The following SRGAP3 variants were observed in gnomAD, a reference collection of about 807,000 sequenced individuals.
SRGAP3 encodes the protein SLIT-ROBO Rho GTPase activating protein 3.
SRGAP3 carries 39 observed loss-of-function variants against 121.1 expected under a neutral mutation model. The ratio of observed to expected loss-of-function variants is 0.32; its 90% CI spans 0.25 to 0.42. The LOEUF is 0.42. SRGAP3 is among the 10% of genes least tolerant of loss of function. SRGAP3 has a pLI of 1.00. For missense variants in SRGAP3, 1,213 were observed against 1,470.6 expected (o/e 0.82, Z 2.86); for synonymous variants, 601 against 570.0 (o/e 1.05, Z -0.77).
chr3:9,331,648 C>T (rs1329379802), intron 1 of SRGAP3, among the ~76,000 whole-genome samples: 1 of 152,194 alleles, frequency 6.6e-6, no homozygotes, highest in Non-Finnish European at 1.5e-5. Context: ...TCTGAGTTGG[C>T]CTTGAGACTT....
intron 1 of SRGAP3, among the ~76,000 whole-genome samples, chr3:9,330,829 G>A (rs1338098801): frequency 1.3e-5 from 2 of 152,154 alleles, no homozygotes; most frequent in African/African-American, 4.8e-5. Flanking sequence ...TATTTGAATG[G>A]AGTTTGAAGA....
intron 17 of SRGAP3, 100 bp downstream of exon 17, chr3:9,013,208 G>T: frequency 1.7e-6 from 2 of 1,175,146 alleles, no homozygotes; most frequent in Admixed American, 2.0e-5. Context: ...TGGAAGCACC[G>T]ACTATCAAGC....
intron 1 of SRGAP3, among the ~76,000 whole-genome samples, chr3:9,130,345 G>T (rs1380662986): frequency 1.3e-5 from 2 of 152,104 alleles, no homozygotes; most frequent in African/African-American, 4.8e-5. Flanking sequence ...AACTACACAG[G>T]TCCCCTCTTA....
In SRGAP3 at chr3:9,118,879, T is replaced by C. The variant is rs796628463; in HGVS notation, c.260+5846A>G. On this transcript the variant is annotated intron_variant, in intron 2 of 21. Coordinates refer to ENST00000383836, the MANE Select transcript of SRGAP3 (RefSeq NM_014850.4). ...GACAGGCACATGAGCGAGTGACACT[T>C]CACCCAGATGGCCTCACTGAGCTAA... Among the ~76,000 whole-genome samples, 8 of 152,318 alleles carry C rather than the reference T, an allele frequency of 5.3e-5. No homozygotes were observed. The South Asian group carries it at 6.2e-4, about 12-fold the overall frequency.
At chr3:9,059,933 C>A (rs1341589591) in intron 6 of SRGAP3, 4 of 414,366 alleles carry the variant, frequency 9.7e-6, no homozygotes, top group Non-Finnish European at 1.4e-5. Context: ...TCAAACCCAG[C>A]AAAGGACCTG....
At chr3:8,991,376 G>C (rs1037988888) in intron 20 of SRGAP3, among the ~76,000 whole-genome samples, 2 of 152,276 alleles carry the variant, frequency 1.3e-5, no homozygotes, top group East Asian at 3.9e-4. Flanking sequence ...CTCCTTCTGC[G>C]AGGCTTTTTT....
Position 9,142,828 on chromosome 3 carries a change from CCT to C in SRGAP3, c.68-17913_68-17912del, listed in dbSNP as rs1491350227. 1.1e-4 allele frequency among the ~76,000 whole-genome samples: 7 copies of C among 63,440 alleles called. No homozygotes were observed. The East Asian group carries it at 3.2e-3, about 29-fold the overall frequency. The allele number at this position is 63,440 out of a possible 152,430, so 41.6% of individuals were successfully genotyped here. A position where few individuals can be genotyped will look rare whatever the true frequency, so the allele number is the denominator to read the frequency against. On this transcript the variant is annotated intron_variant, in intron 1 of 21. Transcript: ENST00000383836. Reference sequence around the variant, plus strand: ...TGTCAACCAAGTTGGTGGGCAATTTCCTTTTTTTTTTTTTTTTTTTTTTTGAT... The same window carrying C: ...TGTCAACCAAGTTGGTGGGCAATTTCTTTTTTTTTTTTTTTTTTTTTTGAT...
intron 1 of SRGAP3, among the ~76,000 whole-genome samples, chr3:9,176,382 C>A (rs997076771): frequency 6.6e-6 from 1 of 152,186 alleles, no homozygotes; most frequent in Non-Finnish European, 1.5e-5. Flanking sequence ...ATGGCAGTTA[C>A]ACTAATGATC....
chr3:9,099,777 A>G (rs1948140526), intron 3 of SRGAP3, among the ~76,000 whole-genome samples: 1 of 152,236 alleles, frequency 6.6e-6, no homozygotes, highest in African/African-American at 2.4e-5. Flanking sequence ...GCTGGGGCCC[A>G]GCAGTCTGCA....
rs1438797810 is a variant in SRGAP3, at chr3:9,205,463, G to A, written c.67+43422C>T. On this transcript the variant is annotated intron_variant, in intron 1 of 21. Transcript: ENST00000383836. Reference sequence around the variant, plus strand: ...CCATGTTGGATGGTACAACTATCACGTTTACAGAATATATCTAATTGGTCT... The same window carrying A: ...CCATGTTGGATGGTACAACTATCACATTTACAGAATATATCTAATTGGTCT... Among the ~76,000 whole-genome samples, 40 of 152,298 alleles carry A rather than the reference G, an allele frequency of 2.6e-4. 1 individual carries two copies. The highest frequency in any genetic ancestry group is 3.3e-4 in the Admixed American group (5 of 15,302).
At chr3:8,987,932 C>G (rs897674135) in intron 21 of SRGAP3, among the ~76,000 whole-genome samples, 3 of 152,166 alleles carry the variant, frequency 2.0e-5, no homozygotes, top group Non-Finnish European at 4.4e-5. Flanking sequence ...CCTCACTACT[C>G]TCTATTTGCT....
chr3:9,324,284 A>G (rs1955480767), intron 3 of SRGAP3, among the ~76,000 whole-genome samples: 1 of 151,988 alleles, frequency 6.6e-6, no homozygotes, highest in African/African-American at 2.4e-5. Flanking sequence ...GGCCACATTT[A>G]GTTTGCTTTA....
At chr3:9,140,560 A>G (rs1456475727) in intron 1 of SRGAP3, among the ~76,000 whole-genome samples, 1 of 152,242 alleles carries the variant, frequency 6.6e-6, no homozygotes, top group Non-Finnish European at 1.5e-5. Flanking sequence ...GACTTTTTCC[A>G]CAAGGGGCCA....
intron 1 of SRGAP3, among the ~76,000 whole-genome samples, chr3:9,214,088 C>A (rs1360507813): frequency 1.3e-5 from 2 of 151,626 alleles, no homozygotes; most frequent in African/African-American, 4.8e-5. Context: ...TGACAGCCTC[C>A]CTGTCTTCTG....
chr3:9,128,840 G>A (rs1265802499), intron 1 of SRGAP3, among the ~76,000 whole-genome samples: 5 of 152,160 alleles, frequency 3.3e-5, no homozygotes, highest in South Asian at 2.1e-4. Context: ...AAGCCAGAAC[G>A]AATGAGGTTG....
chr3:8,986,606 G>A (rs1166211025), intron 21 of SRGAP3, among the ~76,000 whole-genome samples: 1 of 152,156 alleles, frequency 6.6e-6, no homozygotes, highest in Non-Finnish European at 1.5e-5. Context: ...AACCCAGTCA[G>A]TTCAGTATTT....
intron 3 of SRGAP3, among the ~76,000 whole-genome samples, chr3:9,084,034 CA>C (rs1471936973): frequency 5.3e-5 from 8 of 152,176 alleles, no homozygotes; most frequent in Non-Finnish European, 1.2e-4. Flanking sequence ...CAATTTTGGT[CA>C]ATGCGATAGT....
chr3:9,036,877 AC>A (rs1944771576), intron 11 of SRGAP3: 1 of 152,206 alleles, frequency 6.6e-6, no homozygotes, highest in Non-Finnish European at 1.5e-5. Context: ...TTCGAAAGTG[AC>A]CCTGCACATC....
intron 3 of SRGAP3, among the ~76,000 whole-genome samples, chr3:9,269,977 G>A (rs6443229): frequency 0.8 from 121,512 of 152,132 alleles, 49,213 homozygotes; most frequent in East Asian, 0.99. Flanking sequence ...ATACTGATGT[G>A]TCAGGAACAT....
Sources: allele counts gnomAD v4.1 joint callset (sites outside exome capture counted in the v4.1 genomes callset), GRCh38; gene constraint gnomAD v4.1.1; transcripts MANE v1.5; gene names NCBI Gene and HGNC (gene_info 2026-07-23, HGNC 2026-07-21).